The following KIAA1958 variants were observed in gnomAD, a reference collection of about 807,000 sequenced individuals.
The protein encoded by KIAA1958 is uncharacterized protein KIAA1958.
Under a neutral mutation model 47.2 loss-of-function variants are expected in KIAA1958, and 14 were observed. That is an observed-to-expected ratio of 0.30 (90% CI 0.20 to 0.46). The LOEUF is 0.46. Ranked by LOEUF, KIAA1958 falls within the 20% of genes least tolerant of loss-of-function variation. The pLI is 1.00. For synonymous variants in KIAA1958, 354 were observed against 353.3 expected (o/e 1.00, Z -0.02); for missense variants, 803 against 909.2 (o/e 0.88, Z 1.50).
intron 1 of KIAA1958, among the ~76,000 whole-genome samples, chr9:112,521,421 C>T (rs1834541365): frequency 6.6e-6 from 1 of 152,040 alleles, no homozygotes; most frequent in Non-Finnish European, 1.5e-5. Flanking sequence ...ACTCTGTTGC[C>T]CAGTTTGGTC....
intron 2 of KIAA1958, among the ~76,000 whole-genome samples, chr9:112,611,388 G>T: frequency 6.6e-6 from 1 of 151,986 alleles, no homozygotes; most frequent in Non-Finnish European, 1.5e-5. Flanking sequence ...AGTTGGTTGG[G>T]TACAATACAA....
At chr9:112,638,359 G>T (rs1373713099) in intron 2 of KIAA1958, among the ~76,000 whole-genome samples, 2 of 151,866 alleles carry the variant, frequency 1.3e-5, no homozygotes, top group African/African-American at 4.8e-5. Context: ...GTAAAAATTA[G>T]CCAGGTGTTG....
In KIAA1958 at chr9:112,605,507, A is replaced by T. The variant is rs1836216038; in HGVS notation, c.1171+30256A>T. On this transcript the variant is annotated intron_variant, in intron 2 of 3. Coordinates refer to ENST00000337530, the MANE Select transcript of KIAA1958 (RefSeq NM_133465.4). The stretch of plus-strand genomic sequence containing the variant: ...TTCCTACTTACACAAAGCAGAGTTT[A>T]TTGAAGATTTTCTTAATATGGGAGA... 2.0e-5 allele frequency among the ~76,000 whole-genome samples: 3 copies of T among 152,210 alleles called. No homozygotes were observed. In the South Asian group the frequency reaches 6.2e-4, roughly 31 times the overall value.
chr9:112,649,626 A>T (rs899383627), intron 3 of KIAA1958, among the ~76,000 whole-genome samples: 1 of 152,196 alleles, frequency 6.6e-6, no homozygotes, highest in Non-Finnish European at 1.5e-5. Flanking sequence ...TAAAAAAGAC[A>T]TATTATATAC....
chr9:112,604,941 T>C (rs1449646107), intron 2 of KIAA1958, among the ~76,000 whole-genome samples: 1 of 147,572 alleles, frequency 6.8e-6, no homozygotes, highest in Non-Finnish European at 1.5e-5. Context: ...TTATGTAATA[T>C]ATATTTTAAT....
At chr9:112,650,350 T>C (rs868250269) in intron 3 of KIAA1958, among the ~76,000 whole-genome samples, 1 of 152,126 alleles carries the variant, frequency 6.6e-6, no homozygotes, top group African/African-American at 2.4e-5. Flanking sequence ...AAAATTTGTT[T>C]TTCTCATAAC....
At chr9:112,593,257 A>G (rs1835954952) in intron 2 of KIAA1958, among the ~76,000 whole-genome samples, 2 of 152,222 alleles carry the variant, frequency 1.3e-5, no homozygotes, top group Non-Finnish European at 2.9e-5. Context: ...TCTGCCACGT[A>G]GTGGAACTAA....
chr9:112,624,887 A>G (rs997165357), intron 2 of KIAA1958, among the ~76,000 whole-genome samples: 1 of 152,218 alleles, frequency 6.6e-6, no homozygotes, highest in East Asian at 1.9e-4. Context: ...GAGATCATCT[A>G]GCCCAGTGAT....
At chr9:112,573,094 T>C (rs1835567543) in intron 1 of KIAA1958, among the ~76,000 whole-genome samples, 1 of 152,144 alleles carries the variant, frequency 6.6e-6, no homozygotes, top group South Asian at 2.1e-4. Flanking sequence ...TCCAGCCCCT[T>C]GCAGACTCCA....
intron 2 of KIAA1958, among the ~76,000 whole-genome samples, chr9:112,578,613 C>T (rs1472496013): frequency 6.6e-6 from 1 of 152,096 alleles, no homozygotes; most frequent in African/African-American, 2.4e-5. Flanking sequence ...AAAATCATCC[C>T]TACTTCTGTT....
chr9:112,598,437 A>T (rs1836068932), intron 2 of KIAA1958, among the ~76,000 whole-genome samples: 1 of 152,178 alleles, frequency 6.6e-6, no homozygotes. Flanking sequence ...GACATGGACA[A>T]ACTGGGAATC....
intron 1 of KIAA1958, among the ~76,000 whole-genome samples, chr9:112,523,476 C>G (rs1469899390): frequency 1.4e-5 from 2 of 144,918 alleles, no homozygotes; most frequent in African/African-American, 5.0e-5. Context: ...AAAGCACCAA[C>G]CGGTAGATAT....
chr9:112,580,389 T>C (rs2131179973), intron 2 of KIAA1958, among the ~76,000 whole-genome samples: 1 of 152,320 alleles, frequency 6.6e-6, no homozygotes, highest in African/African-American at 2.4e-5. Flanking sequence ...TGTATAAATA[T>C]GTGTGCTTGT....
intron 1 of KIAA1958, among the ~76,000 whole-genome samples, chr9:112,520,764 A>G (rs1834525561): frequency 6.6e-6 from 1 of 152,228 alleles, no homozygotes; most frequent in South Asian, 2.1e-4. Context: ...AATGGAAGCT[A>G]GAAATACTGA....
chr9:112,642,961 A>G (rs1276788156), intron 2 of KIAA1958, among the ~76,000 whole-genome samples: 1 of 152,130 alleles, frequency 6.6e-6, no homozygotes, highest in Non-Finnish European at 1.5e-5. Flanking sequence ...TCCTTTTTCA[A>G]TGTATACTCT....
At chr9:112,511,700 T>G (rs1476941844) in intron 1 of KIAA1958, among the ~76,000 whole-genome samples, 1 of 151,934 alleles carries the variant, frequency 6.6e-6, no homozygotes, top group Non-Finnish European at 1.5e-5. Context: ...ATCAGTGAAA[T>G]AGAATAGAAA....
chr9:112,663,519 A>G lies in KIAA1958; in HGVS notation c.*3450A>G, dbSNP rs1224386447. ...AAACTTGAAGAAGAAACCAAACATG[A>G]TAATCTGGTCAAGTTAACACATTTT... On this transcript the variant is annotated 3_prime_UTR_variant, in exon 4 of 4. Transcript: ENST00000337530. 6.6e-6 allele frequency: 1 copy of G among 152,180 alleles called. No individual in the cohort carries two copies. The highest frequency in any genetic ancestry group is 1.9e-4 in the East Asian group (1 of 5,200). 9.4% of individuals were successfully genotyped at this position (152,180 alleles called of 1,614,324 possible). A position where few individuals can be genotyped will look rare whatever the true frequency, so the allele number is the denominator to read the frequency against.
intron 2 of KIAA1958, among the ~76,000 whole-genome samples, chr9:112,597,372 C>T (rs1836049879): frequency 1.3e-5 from 2 of 152,120 alleles, no homozygotes; most frequent in South Asian, 4.1e-4. Flanking sequence ...GAAACTAAGT[C>T]ACAGAAAGAT....
At chr9:112,547,302 C>T (rs1442586178) in intron 1 of KIAA1958, among the ~76,000 whole-genome samples, 5 of 147,470 alleles carry the variant, frequency 3.4e-5, no homozygotes, top group East Asian at 2.0e-4. Flanking sequence ...CACTTGAATC[C>T]AAGAGATGGA....
Sources: gnomAD v4.1 joint callset for allele counts (sites outside exome capture counted in the v4.1 genomes callset) on GRCh38, gnomAD v4.1.1 for gene constraint, MANE v1.5 for transcripts, NCBI Gene and HGNC (gene_info 2026-07-23, HGNC 2026-07-21) for gene names.